Variants in KRAS observed in about 807,000 individuals in gnomAD.
The protein encoded by KRAS is GTPase KRas.
KRAS carries 1 observed loss-of-function variant against 21.0 expected under a neutral mutation model. The observed-to-expected ratio is 0.05, with a 90% CI of 0.02 to 0.23. The LOEUF is 0.23. KRAS is among the 10% of genes least tolerant of loss of function. The pLI is 1.00. For synonymous variants in KRAS, 67 were observed against 72.5 expected (o/e 0.92, Z 0.39); for missense variants, 107 against 221.8 (o/e 0.48, Z 3.29).
intron 2 of KRAS, among the ~76,000 whole-genome samples, chr12:25,237,950 T>C (rs976216148): frequency 6.6e-6 from 1 of 152,152 alleles, no homozygotes. Context: ...ATAAATATAA[T>C]GGAGCTGGAC....
chr12:25,218,764 C>A (rs568188753), intron 4 of KRAS, among the ~76,000 whole-genome samples: 1 of 152,214 alleles, frequency 6.6e-6, no homozygotes, highest in East Asian at 1.9e-4. Context: ...TAGTTTTTCA[C>A]ATTCCAAAAT....
At chr12:25,240,861 A>C (rs1250432875) in intron 2 of KRAS, among the ~76,000 whole-genome samples, 1 of 152,170 alleles carries the variant, frequency 6.6e-6, no homozygotes, top group Non-Finnish European at 1.5e-5. Flanking sequence ...TAAATACAGT[A>C]CCTGAGTTTT....
intron 2 of KRAS, among the ~76,000 whole-genome samples, chr12:25,228,055 T>C (rs1951415687): frequency 6.6e-6 from 1 of 152,124 alleles, no homozygotes; most frequent in South Asian, 2.1e-4. Context: ...TGAGCATTAA[T>C]GCAGGTTAAT....
intron 2 of KRAS, chr12:25,234,370 G>GA (rs1951517315): frequency 1.1e-5 from 2 of 180,602 alleles, no homozygotes; most frequent in Non-Finnish European, 2.4e-5. Flanking sequence ...GTTAAGATAT[G>GA]AAAGAGCTGG....
intron 4 of KRAS, among the ~76,000 whole-genome samples, chr12:25,214,102 C>T (rs960703762): frequency 6.6e-5 from 10 of 152,234 alleles, no homozygotes; most frequent in African/African-American, 2.4e-4. Flanking sequence ...CATGCCTAGT[C>T]TAAGGGTTTA....
chr12:25,240,476 G>A (rs1951597186), intron 2 of KRAS, among the ~76,000 whole-genome samples: 1 of 152,202 alleles, frequency 6.6e-6, no homozygotes, highest in South Asian at 2.1e-4. Flanking sequence ...GAACCCACAT[G>A]AATGAACTGA....
intron 2 of KRAS, among the ~76,000 whole-genome samples, chr12:25,230,559 T>A (rs1592811286): frequency 6.6e-6 from 1 of 151,886 alleles, no homozygotes; most frequent in Admixed American, 6.6e-5. Flanking sequence ...ACCCGGGAGG[T>A]GGAGGTTACG....
intron 4 of KRAS, among the ~76,000 whole-genome samples, chr12:25,220,258 A>C (rs1196192133): frequency 6.6e-6 from 1 of 152,248 alleles, no homozygotes; most frequent in Non-Finnish European, 1.5e-5. Flanking sequence ...CAGTCCTTAT[A>C]CACTAGGAAC....
Position 25,248,969 on chromosome 12 carries a change from G to C in KRAS, c.-12+1782C>G, listed in dbSNP as rs937908943. Among the ~76,000 whole-genome samples, 5 of 152,164 alleles carry C rather than the reference G, an allele frequency of 3.3e-5. 1 individual carries two copies. The highest frequency in any genetic ancestry group is 3.3e-4 in the Admixed American group (5 of 15,274). On this transcript the variant is annotated intron_variant, in intron 1 of 4. Coordinates refer to ENST00000311936, the MANE Select transcript of KRAS (RefSeq NM_004985.5). ...GACCTCAGTCACTTCAGTGACACCA[G>C]TTTTATGGTTAATTCTGAGCTGATA...
chr12:25,237,585 G>C (rs929296124), intron 2 of KRAS, among the ~76,000 whole-genome samples: 2 of 152,116 alleles, frequency 1.3e-5, no homozygotes, highest in Non-Finnish European at 2.9e-5. Context: ...AGATAGACTT[G>C]GGAGTCTTCG....
chr12:25,213,877 G>A (rs1460721932), intron 4 of KRAS, among the ~76,000 whole-genome samples: 4 of 152,184 alleles, frequency 2.6e-5, no homozygotes, highest in Admixed American at 6.5e-5. Context: ...AAACGAAAAT[G>A]AGAATTCCAC....
chr12:25,234,402 T>C (rs1462625443), intron 2 of KRAS: 2 of 181,746 alleles, frequency 1.1e-5, no homozygotes, highest in Non-Finnish European at 2.3e-5. Context: ...ATGAGGTTCA[T>C]TATACTACTA....
At chr12:25,220,877 C>T (rs1259030297) in intron 4 of KRAS, among the ~76,000 whole-genome samples, 1 of 151,452 alleles carries the variant, frequency 6.6e-6, no homozygotes, top group Non-Finnish European at 1.5e-5. Flanking sequence ...ATACAAAAAT[C>T]AGTCAGGTGT....
intron 2 of KRAS, chr12:25,235,091 T>G: frequency 2.6e-6 from 1 of 392,096 alleles, no homozygotes; most frequent in Non-Finnish European, 4.6e-6. Flanking sequence ...GCCAATTCCA[T>G]GAGATGCTCT....
intron 4 of KRAS, among the ~76,000 whole-genome samples, chr12:25,220,682 G>A (rs1951309521): frequency 1.3e-5 from 2 of 149,054 alleles, no homozygotes; most frequent in African/African-American, 5.0e-5. Context: ...AGCCAGGATC[G>A]CGCCACTGCA....
chr12:25,223,872 G>A (rs1227462143), intron 4 of KRAS, among the ~76,000 whole-genome samples: 1 of 151,998 alleles, frequency 6.6e-6, no homozygotes, highest in African/African-American at 2.4e-5. Context: ...GGGCTCACAG[G>A]TAAATGTAAC....
chr12:25,227,249 T>A lies in KRAS; in HGVS notation c.275A>T (p.Asp92Val). 1 of 1,612,762 alleles carries A rather than the reference T, an allele frequency of 6.2e-7. No individual in the cohort carries two copies. Among genetic ancestry groups the A allele is most frequent in the Non-Finnish European group, 8.5e-7 (1 of 1,178,812 alleles). The change falls in exon 3 of 5, where the codon GAT (aspartate) becomes GTT (valine). Residue 92 changes from aspartate (D) to valine (V), a missense_variant. Around this residue, in one of 2 missense-constraint regions of KRAS, gnomAD observed 42 missense variants for 139.4 expected, o/e 0.30. Transcript: ENST00000311936. The stretch of plus-strand genomic sequence containing the variant: ...TTAAACCCACCTATAATGGTGAATA[T>A]CTTCAAATGATTTAGTATTATTTAT... ...FAINNTKSFE[D>V]IHHYREQIKR...
intron 2 of KRAS, among the ~76,000 whole-genome samples, chr12:25,231,004 C>T (rs1355965068): frequency 6.6e-6 from 1 of 150,882 alleles, no homozygotes; most frequent in African/African-American, 2.4e-5. Flanking sequence ...AGCACAGAGT[C>T]TTAGAGTCAA....
intron 1 of KRAS, 55 bp downstream of exon 1, chr12:25,250,696 G>T: frequency 6.1e-6 from 1 of 163,120 alleles, no homozygotes; most frequent in South Asian, 2.0e-4. Flanking sequence ...GCCCGGCGCC[G>T]GCAAAGAGGG....
Sources: allele counts gnomAD v4.1 joint callset (sites outside exome capture counted in the v4.1 genomes callset), GRCh38; gene constraint gnomAD v4.1.1; regional missense constraint gnomAD v4.1.1; transcripts MANE v1.5; gene names NCBI Gene and HGNC (gene_info 2026-07-23, HGNC 2026-07-21).